The following IL1RAPL2 variants were observed in gnomAD, a reference collection of about 807,000 sequenced individuals.
IL1RAPL2 encodes interleukin 1 receptor accessory protein like 2, also known as X-linked interleukin-1 receptor accessory protein-like 2.
In IL1RAPL2, 3 loss-of-function variants were observed where a neutral mutation model predicts 44.1. The ratio of observed to expected loss-of-function variants is 0.07; its 90% confidence interval spans 0.03 to 0.18. The LOEUF (loss-of-function observed/expected upper bound fraction) is 0.18. IL1RAPL2 is among the 10% of genes least tolerant of loss of function. IL1RAPL2 has a pLI of 1.00. For missense variants in IL1RAPL2, 391 were observed against 496.4 expected (o/e 0.79, Z 2.02); for synonymous variants, 181 against 178.8 (o/e 1.01, Z -0.10).
intron 10 of IL1RAPL2, among the ~76,000 whole-genome samples, chrX:105,755,681 T>C (rs1300337171): frequency 8.9e-6 from 1 of 111,847 alleles, no homozygotes; most frequent in Admixed American, 9.5e-5. Context: ...GCAAAGCTGG[T>C]CTTCTGTCAC....
chrX:104,698,864 G>A (rs1313374256), intron 2 of IL1RAPL2, among the ~76,000 whole-genome samples: 3 of 111,787 alleles, frequency 2.7e-5, no homozygotes, highest in African/African-American at 9.8e-5. Context: ...AGGAAGAGAG[G>A]TATATTAGTT....
chrX:104,576,066 T>G (rs1928239027), intron 1 of IL1RAPL2, among the ~76,000 whole-genome samples: 1 of 112,217 alleles, frequency 8.9e-6, no homozygotes, highest in African/African-American at 3.2e-5. Flanking sequence ...TGGAGACTAA[T>G]TATATTCTGG....
At chrX:105,382,932 G>A (rs1186960090) in intron 5 of IL1RAPL2, among the ~76,000 whole-genome samples, 10 of 86,885 alleles carry the variant, frequency 1.2e-4, no homozygotes, top group South Asian at 7.2e-4. Context: ...GAACACATGG[G>A]CACAGAAAGG....
At chrX:105,556,484 A>G (rs1213817819) in intron 6 of IL1RAPL2, among the ~76,000 whole-genome samples, 1 of 111,064 alleles carries the variant, frequency 9.0e-6, no homozygotes, top group Non-Finnish European at 1.9e-5. Flanking sequence ...CATGAAAATA[A>G]CACAGCCTAT....
At chrX:105,319,317 G>A (rs752004184) in intron 5 of IL1RAPL2, among the ~76,000 whole-genome samples, 1 of 111,975 alleles carries the variant, frequency 8.9e-6, no homozygotes, top group South Asian at 3.7e-4. Flanking sequence ...TGCATGAAGT[G>A]ATCCAAGCTA....
chrX:104,979,284 A>G (rs1339659407), intron 2 of IL1RAPL2, among the ~76,000 whole-genome samples: 1 of 111,593 alleles, frequency 9.0e-6, no homozygotes, highest in Middle Eastern at 4.2e-3. Flanking sequence ...TTATACCAAA[A>G]TTAATTCCAG....
chrX:105,646,690 A>T (rs1375445050), intron 6 of IL1RAPL2, among the ~76,000 whole-genome samples: 1 of 112,020 alleles, frequency 8.9e-6, no homozygotes, highest in Non-Finnish European at 1.9e-5. Context: ...TCAAACCCTT[A>T]ATCTATCCCA....
intron 2 of IL1RAPL2, among the ~76,000 whole-genome samples, chrX:105,128,279 G>T (rs747799697): frequency 9.1e-6 from 1 of 110,445 alleles, no homozygotes; most frequent in South Asian, 3.8e-4. Context: ...CCAAAAATTG[G>T]TCTGTGTTAT....
chrX:104,947,791 C>G (rs909970330), intron 2 of IL1RAPL2, among the ~76,000 whole-genome samples: 7 of 112,108 alleles, frequency 6.2e-5, no homozygotes, highest in Non-Finnish European at 1.1e-4. Context: ...TGTTTTGATA[C>G]CAGTACCATG....
intron 5 of IL1RAPL2, among the ~76,000 whole-genome samples, chrX:105,408,061 C>G (rs1272823792): frequency 9.0e-6 from 1 of 111,631 alleles, no homozygotes; most frequent in Non-Finnish European, 1.9e-5. Flanking sequence ...GGTAGAGTTG[C>G]CTGCTAAAAG....
chrX:105,115,830 G>A (rs1228432546), intron 2 of IL1RAPL2, among the ~76,000 whole-genome samples: 2 of 113,046 alleles, frequency 1.8e-5, no homozygotes, highest in Admixed American at 1.8e-4. Flanking sequence ...CTCGGGCCGT[G>A]CAGGAGCCCA....
chrX:104,960,623 A>C (rs1035409500), intron 2 of IL1RAPL2, among the ~76,000 whole-genome samples: 2 of 111,564 alleles, frequency 1.8e-5, no homozygotes, highest in African/African-American at 6.5e-5. Flanking sequence ...GAATCACAAC[A>C]GTAATGTTAA....
At chrX:105,749,633 C>A (rs2038579939) in intron 9 of IL1RAPL2, among the ~76,000 whole-genome samples, 1 of 112,039 alleles carries the variant, frequency 8.9e-6, no homozygotes, top group Non-Finnish European at 1.9e-5. Flanking sequence ...GCTTATAGCA[C>A]CATTCTCAAA....
chrX:105,729,408 G>A (rs964449000), intron 7 of IL1RAPL2, among the ~76,000 whole-genome samples: 1 of 111,423 alleles, frequency 9.0e-6, no homozygotes, highest in African/African-American at 3.2e-5. Context: ...TAGGTGTGTA[G>A]TGTATGTCAT....
intron 5 of IL1RAPL2, among the ~76,000 whole-genome samples, chrX:105,398,598 C>T (rs2035582207): frequency 9.0e-6 from 1 of 111,027 alleles, no homozygotes; most frequent in South Asian, 3.8e-4. Context: ...CAAAGTAAGG[C>T]TCTATGGCTA....
intron 5 of IL1RAPL2, among the ~76,000 whole-genome samples, chrX:105,330,790 C>A (rs2034980182): frequency 9.0e-6 from 1 of 111,432 alleles, no homozygotes; most frequent in Non-Finnish European, 1.9e-5. Context: ...TGCTCTAATT[C>A]TGAGTTTTCA....
intron 2 of IL1RAPL2, among the ~76,000 whole-genome samples, chrX:104,960,016 T>TA (rs1480411619): frequency 1.8e-5 from 2 of 112,222 alleles, no homozygotes; most frequent in Admixed American, 1.9e-4. Flanking sequence ...ATTATTATTT[T>TA]AAGTCTTTGT....
At position 105,219,404 on chromosome X, in the gene IL1RAPL2, CCTT is replaced by C. The variant is rs782508265; in HGVS notation, c.357-14411_357-14409del. The C allele has an allele frequency of 1.9e-5, 23 of 1,208,015 alleles. No individual in the cohort carries two copies. In the African/African-American group the frequency reaches 3.4e-4, roughly 18 times the overall value. ...GTTTCGACCGACCGGAGATCTCCCTCCTTCTGCCCCCAATAGGTGTACTTTTCC... is the reference window on the plus strand; with the variant it reads ...GTTTCGACCGACCGGAGATCTCCCTCCTGCCCCCAATAGGTGTACTTTTCC... On this transcript the variant is annotated intron_variant, in intron 3 of 10. Coordinates refer to ENST00000372582, the MANE Select transcript of IL1RAPL2 (RefSeq NM_017416.2).
chrX:104,809,183 CCT>C (rs1382664036), intron 2 of IL1RAPL2, among the ~76,000 whole-genome samples: 1 of 111,553 alleles, frequency 9.0e-6, no homozygotes, highest in Non-Finnish European at 1.9e-5. Flanking sequence ...ACACTTGATG[CCT>C]CTCTCTGCTC....
Sources: allele counts gnomAD v4.1 joint callset (sites outside exome capture counted in the v4.1 genomes callset), GRCh38; gene constraint gnomAD v4.1.1; transcripts MANE v1.5; gene names NCBI Gene and HGNC (gene_info 2026-07-23, HGNC 2026-07-21).